IRAK1BP1: variants seen among roughly 807,000 people sequenced by gnomAD.
IRAK1BP1 encodes the protein interleukin-1 receptor-associated kinase 1-binding protein 1.
A neutral mutation model predicts 28.0 loss-of-function variants in IRAK1BP1; 24 were observed. The observed-to-expected ratio is 0.86, with a 90% CI of 0.62 to 1.20. The LOEUF (loss-of-function observed/expected upper bound fraction) is 1.20. Ranked by LOEUF, IRAK1BP1 falls within the 50% of genes most tolerant of loss-of-function variation. IRAK1BP1 has a pLI of 0.00. For missense variants in IRAK1BP1, 336 were observed against 316.7 expected, an observed-to-expected ratio of 1.06 and a Z score of -0.46; for synonymous variants, 131 against 116.3, an observed-to-expected ratio of 1.13 and a Z score of -0.81.
the IRAK1BP1 span, among the ~76,000 whole-genome samples, chr6:78,971,552 G>A: frequency 8.5e-5 from 13 of 152,256 alleles, no homozygotes; most frequent in South Asian, 1.0e-3. Context: ...GAACAGCTCC[G>A]GTCTACAGCT....
chr6:78,881,319 A>G (rs1421794966), intron 1 of IRAK1BP1, among the ~76,000 whole-genome samples: 3 of 152,220 alleles, frequency 2.0e-5, no homozygotes, highest in South Asian at 2.1e-4. Flanking sequence ...GGAGAAAAGC[A>G]AAACTATGGG....
downstream of IRAK1BP1, chr6:78,946,475 C>A (rs2127682593): frequency 7.2e-7 from 1 of 1,395,808 alleles, no homozygotes; most frequent in Non-Finnish European, 9.2e-7. Flanking sequence ...AGCATGATGC[C>A]ATCACTATCC....
chr6:78,970,143 T>TTA, the IRAK1BP1 span: 1 of 1,612,156 alleles, frequency 6.2e-7, no homozygotes, highest in Non-Finnish European at 8.5e-7. Context: ...ACTTCATACT[T>TTA]TATGCCAACT....
downstream of IRAK1BP1, chr6:78,947,604 A>G: frequency 8.1e-7 from 1 of 1,232,406 alleles, no homozygotes; most frequent in Admixed American, 2.1e-5. Context: ...TCATAAAAGA[A>G]AATAATGTAA....
chr6:78,930,979 C>G (rs1314705301), intron 4 of IRAK1BP1, among the ~76,000 whole-genome samples: 1 of 151,556 alleles, frequency 6.6e-6, no homozygotes, highest in Non-Finnish European at 1.5e-5. Context: ...AAAAATTAAC[C>G]AGAAAACCAA....
intron 1 of IRAK1BP1, chr6:78,872,258 A>G (rs1770819656): frequency 1.8e-6 from 1 of 542,630 alleles, no homozygotes; most frequent in South Asian, 2.6e-5. Context: ...CTTGCATCCC[A>G]CTCTGTTAAT....
intron 1 of IRAK1BP1, among the ~76,000 whole-genome samples, chr6:78,875,439 A>G (rs548272965): frequency 2.2e-4 from 34 of 152,334 alleles, no homozygotes; most frequent in African/African-American, 7.7e-4. Flanking sequence ...TTGTATGTTT[A>G]TTGCAGCACT....
At chr6:78,909,214 C>T (rs913482310) in intron 4 of IRAK1BP1, among the ~76,000 whole-genome samples, 7 of 152,166 alleles carry the variant, frequency 4.6e-5, no homozygotes, top group African/African-American at 1.7e-4. Flanking sequence ...CAGTATATAC[C>T]TCCACTTATG....
chr6:78,946,619 G>C (rs70937073), downstream of IRAK1BP1: 1 of 1,453,290 alleles, frequency 6.9e-7, no homozygotes, highest in Admixed American at 2.7e-5. Context: ...TGCAATATAG[G>C]GAATAGTAAA....
chr6:78,887,530 G>A (rs770270231), intron 2 of IRAK1BP1, among the ~76,000 whole-genome samples: 2 of 152,090 alleles, frequency 1.3e-5, no homozygotes, highest in African/African-American at 2.4e-5. Flanking sequence ...GCCAGGTGTG[G>A]TGGCGGGCGC....
At chr6:78,891,601 A>G (rs1771664883) in intron 2 of IRAK1BP1, among the ~76,000 whole-genome samples, 1 of 152,036 alleles carries the variant, frequency 6.6e-6, no homozygotes, top group Non-Finnish European at 1.5e-5. Flanking sequence ...AGCTGGGATT[A>G]CAGGCTCCTG....
At chr6:78,879,572 T>C (rs966935452) in intron 1 of IRAK1BP1, among the ~76,000 whole-genome samples, 2 of 152,170 alleles carry the variant, frequency 1.3e-5, no homozygotes, top group Admixed American at 1.3e-4. Context: ...TTGTTCAAAA[T>C]TGGTCAATAT....
chr6:78,878,036 C>G (rs62424926), intron 1 of IRAK1BP1, among the ~76,000 whole-genome samples: 8,804 of 152,136 alleles, frequency 0.058, 403 homozygotes, highest in Admixed American at 0.15. Context: ...TCAAGGAGAC[C>G]TGCCTGCCAC....
the IRAK1BP1 span, among the ~76,000 whole-genome samples, chr6:78,964,321 G>A: frequency 6.6e-6 from 1 of 152,064 alleles, no homozygotes; most frequent in Non-Finnish European, 1.5e-5. Context: ...CATTTCTGAG[G>A]TCTACGAGAC....
At chr6:78,937,457 T>C (rs912725628) in intron 4 of IRAK1BP1, 1 of 151,742 alleles carries the variant, frequency 6.6e-6, no homozygotes, top group Non-Finnish European at 1.5e-5. Flanking sequence ...GATGTTAACA[T>C]ACATGCTGCA....
Position 78,901,460 on chromosome 6 carries a change from C to T in IRAK1BP1, c.*3126C>T, listed in dbSNP as rs1032141308. 3 of 151,530 alleles carry T rather than the reference C, an allele frequency of 2.0e-5. No individual in the cohort carries two copies. Among genetic ancestry groups the T allele is most frequent in the Non-Finnish European group, 4.4e-5 (3 of 67,892 alleles). 9.4% of individuals were successfully genotyped at this position (151,530 alleles called of 1,614,324 possible). On this transcript the variant is annotated 3_prime_UTR_variant, in exon 4 of 4. Transcript: ENST00000369940. Reference sequence around the variant, plus strand: ...GATGAATTATTTAGGGGACCTGTGCCACAAAGTCTACTAGAATAAACCTAT... The same window carrying T: ...GATGAATTATTTAGGGGACCTGTGCTACAAAGTCTACTAGAATAAACCTAT...
the IRAK1BP1 span, chr6:78,963,006 T>C: frequency 8.0e-7 from 1 of 1,250,058 alleles, no homozygotes; most frequent in Non-Finnish European, 1.1e-6. Flanking sequence ...TAGGATATTG[T>C]GAAAAAAAAT....
chr6:78,947,953 C>A (rs971574704), downstream of IRAK1BP1, among the ~76,000 whole-genome samples: 2 of 151,468 alleles, frequency 1.3e-5, no homozygotes, highest in South Asian at 2.1e-4. Flanking sequence ...TTTCATACTC[C>A]CCCCCCTTAT....
chr6:78,877,924 G>T (rs1050523786), intron 1 of IRAK1BP1, among the ~76,000 whole-genome samples: 13 of 151,954 alleles, frequency 8.6e-5, no homozygotes, highest in African/African-American at 3.1e-4. Context: ...GAACTGTAAG[G>T]CAGCAGTGAG....
Sources: allele counts gnomAD v4.1 joint callset (sites outside exome capture counted in the v4.1 genomes callset), GRCh38; gene constraint gnomAD v4.1.1; transcripts MANE v1.5; gene names NCBI Gene and HGNC (gene_info 2026-07-23, HGNC 2026-07-21).